The following CEP63 variants were observed in gnomAD, a reference collection of about 807,000 sequenced individuals.
CEP63 encodes centrosomal protein of 63 kDa.
In CEP63, 84 loss-of-function variants were observed where a neutral mutation model predicts 89.1. That is an observed-to-expected ratio of 0.94 (90% CI 0.79 to 1.13). The LOEUF is 1.13. Ranked by LOEUF, CEP63 falls within the 50% of genes most tolerant of loss-of-function variation. CEP63 has a pLI of 0.00. For synonymous variants in CEP63, 267 were observed against 272.5 expected (o/e 0.98, Z 0.20); for missense variants, 838 against 813.3 (o/e 1.03, Z -0.37).
chr3:134,742,716 G>A, the CEP63 span, among the ~76,000 whole-genome samples: 2 of 152,192 alleles, frequency 1.3e-5, no homozygotes, highest in Non-Finnish European at 2.9e-5. Flanking sequence ...GGATATGAAG[G>A]TTTCACCCTC....
chr3:134,539,229 T>G (rs560340510), intron 6 of CEP63, among the ~76,000 whole-genome samples: 1 of 152,316 alleles, frequency 6.6e-6, no homozygotes, highest in African/African-American at 2.4e-5. Context: ...TTGTCAATCT[T>G]TATTTTAATT....
At chr3:134,708,970 A>T in the CEP63 span, among the ~76,000 whole-genome samples, 1 of 152,136 alleles carries the variant, frequency 6.6e-6, no homozygotes, top group East Asian at 1.9e-4. Context: ...GACAGGACTT[A>T]GGCTCAGGAA....
At chr3:134,755,557 G>A in the CEP63 span, 3 of 152,220 alleles carry the variant, frequency 2.0e-5, no homozygotes, top group Non-Finnish European at 4.4e-5. Flanking sequence ...AGCTGCTTGA[G>A]GCTGGGGCAT....
At chr3:134,597,927 A>C in the CEP63 span, 1 of 152,204 alleles carries the variant, frequency 6.6e-6, no homozygotes, top group African/African-American at 2.4e-5. Flanking sequence ...GAGGGAAATA[A>C]GCTGGAAGCC....
the CEP63 span, among the ~76,000 whole-genome samples, chr3:134,767,747 T>C: frequency 1.3e-5 from 2 of 152,180 alleles, no homozygotes; most frequent in African/African-American, 4.8e-5. Flanking sequence ...GAGGGCTTTG[T>C]TTTTTGAAAG....
chr3:134,516,724 GACACAGCAC>G (rs1946328468), intron 3 of CEP63, among the ~76,000 whole-genome samples: 1 of 152,184 alleles, frequency 6.6e-6, no homozygotes, highest in African/African-American at 2.4e-5. Context: ...ACCCTGAGTT[GACACAGCAC>G]ATGTTTCAGG....
At chr3:134,729,935 G>T in the CEP63 span, among the ~76,000 whole-genome samples, 1 of 152,152 alleles carries the variant, frequency 6.6e-6, no homozygotes, top group Non-Finnish European at 1.5e-5. Flanking sequence ...TAGATTAAAT[G>T]CTGAAAGAGG....
the CEP63 span, among the ~76,000 whole-genome samples, chr3:134,602,301 C>T: frequency 2.0e-5 from 3 of 152,108 alleles, no homozygotes; most frequent in Non-Finnish European, 2.9e-5. Flanking sequence ...GCCATGGCAA[C>T]GGCAGCCTGA....
At chr3:134,670,139 T>A in the CEP63 span, among the ~76,000 whole-genome samples, 2 of 152,326 alleles carry the variant, frequency 1.3e-5, no homozygotes, top group East Asian at 3.9e-4. Flanking sequence ...TAAATTTCTG[T>A]TGTTTATATG....
intron 2 of CEP63, among the ~76,000 whole-genome samples, chr3:134,500,993 C>T (rs1941821762): frequency 6.6e-6 from 1 of 152,094 alleles, no homozygotes; most frequent in Non-Finnish European, 1.5e-5. Flanking sequence ...TAAATCTAAT[C>T]CATCTTGAAT....
At chr3:134,761,105 G>A in the CEP63 span, among the ~76,000 whole-genome samples, 1 of 151,980 alleles carries the variant, frequency 6.6e-6, no homozygotes. Flanking sequence ...TGTATCTGAG[G>A]AAGAACCTGG....
chr3:134,503,948 CTA>C (rs1476244320), intron 2 of CEP63, among the ~76,000 whole-genome samples: 2 of 152,048 alleles, frequency 1.3e-5, no homozygotes, highest in Admixed American at 6.6e-5. Flanking sequence ...TTCAGCCATT[CTA>C]TATCTTTTAA....
At chr3:134,496,371 A>C (rs930933054) in intron 2 of CEP63, among the ~76,000 whole-genome samples, 3 of 148,780 alleles carry the variant, frequency 2.0e-5, no homozygotes, top group African/African-American at 7.4e-5. Flanking sequence ...TAAATGTTGC[A>C]GTGTAAACAT....
intron 3 of CEP63, among the ~76,000 whole-genome samples, chr3:134,527,909 A>G (rs765490818): frequency 6.6e-6 from 1 of 152,004 alleles, no homozygotes; most frequent in African/African-American, 2.4e-5. Flanking sequence ...AAAGTCTCCT[A>G]TGGGTGCCAG....
the CEP63 span, chr3:134,603,372 TGC>T: frequency 2.6e-5 from 13 of 502,500 alleles, no homozygotes; most frequent in Non-Finnish European, 4.5e-5. Context: ...CCACTGCCTC[TGC>T]CCCCTCAGTC....
At chr3:134,638,841 T>C in the CEP63 span, among the ~76,000 whole-genome samples, 1 of 152,236 alleles carries the variant, frequency 6.6e-6, no homozygotes, top group Non-Finnish European at 1.5e-5. Flanking sequence ...ACAGGTTTCA[T>C]GTTTTTCATT....
chr3:134,719,748 A>G, the CEP63 span, among the ~76,000 whole-genome samples: 12 of 152,336 alleles, frequency 7.9e-5, no homozygotes, highest in East Asian at 2.1e-3. Context: ...TTTATGCCTG[A>G]CTTATTTAGT....
At chr3:134,744,903 C>A in the CEP63 span, among the ~76,000 whole-genome samples, 1 of 152,178 alleles carries the variant, frequency 6.6e-6, no homozygotes, top group Non-Finnish European at 1.5e-5. Flanking sequence ...TCAACACCCT[C>A]ATCTTTTCTA....
the CEP63 span, among the ~76,000 whole-genome samples, chr3:134,709,897 A>G: frequency 6.6e-6 from 1 of 152,238 alleles, no homozygotes; most frequent in African/African-American, 2.4e-5. Flanking sequence ...AGAAAAATGA[A>G]CAATCTGTGA....
Sources: gnomAD v4.1 joint callset for allele counts (sites outside exome capture counted in the v4.1 genomes callset) on GRCh38, gnomAD v4.1.1 for gene constraint, MANE v1.5 for transcripts, NCBI Gene and HGNC (gene_info 2026-07-23, HGNC 2026-07-21) for gene names.